COL11A1: variants seen among roughly 807,000 people sequenced by gnomAD.
COL11A1 encodes collagen type XI alpha 1 chain, also known as collagen alpha-1(XI) chain.
In COL11A1, 74 loss-of-function variants were observed where a neutral mutation model predicts 265.2. That is an observed-to-expected ratio of 0.28 (90% confidence interval 0.23 to 0.34). COL11A1 has a LOEUF of 0.34. COL11A1 is among the 10% of genes least tolerant of loss of function. COL11A1 has a pLI of 1.00. For synonymous variants in COL11A1, 816 were observed against 727.6 expected, an observed-to-expected ratio of 1.12 and a Z score of -1.96; for missense variants, 2,165 against 2,263.6, an observed-to-expected ratio of 0.96 and a Z score of 0.88.
intron 41 of COL11A1, among the ~76,000 whole-genome samples, chr1:102,948,280 G>C (rs1659524265): frequency 6.6e-6 from 1 of 152,042 alleles, no homozygotes; most frequent in Non-Finnish European, 1.5e-5. Context: ...TTATAGAGCT[G>C]TTGTAGCATC....
At chr1:102,922,439 C>T (rs1656090138) in intron 47 of COL11A1, among the ~76,000 whole-genome samples, 1 of 152,156 alleles carries the variant, frequency 6.6e-6, no homozygotes. Context: ...CTCTGTCGCC[C>T]AGGCTGGAGT....
intron 42 of COL11A1, among the ~76,000 whole-genome samples, chr1:102,946,059 C>G (rs1659230283): frequency 7.2e-6 from 1 of 139,820 alleles, no homozygotes; most frequent in Admixed American, 7.4e-5. Flanking sequence ...TCATCATTCT[C>G]AGTAAACTAT....
intron 1 of COL11A1, among the ~76,000 whole-genome samples, chr1:103,106,709 T>C (rs1674718216): frequency 6.6e-6 from 1 of 152,200 alleles, no homozygotes; most frequent in Non-Finnish European, 1.5e-5. Context: ...GGACTTTCAC[T>C]GTATTTAGCA....
chr1:102,934,411 T>C (rs1477621412), intron 46 of COL11A1, 38 bp downstream of exon 46: 1 of 1,438,742 alleles, frequency 7.0e-7, no homozygotes, highest in East Asian at 2.3e-5. Context: ...GAGAAGTAGG[T>C]AGAAATGATG....
chr1:102,974,704 C>T, intron 36 of COL11A1, 126 bp downstream of exon 36: 1 of 723,834 alleles, frequency 1.4e-6, no homozygotes, highest in South Asian at 1.7e-5. Context: ...CTTTCTTTGA[C>T]ATCAATTGTA....
chr1:103,094,615 A>AGAT (rs982883452), intron 1 of COL11A1, among the ~76,000 whole-genome samples: 2 of 151,966 alleles, frequency 1.3e-5, no homozygotes, highest in Non-Finnish European at 2.9e-5. Context: ...CTCAACATGA[A>AGAT]GATGATGATG....
rs367952241 is a variant in COL11A1 at position 102,979,383 on chromosome 1, C to T, written c.2609G>A (p.Arg870Gln). ...FPGANGEKGARGVAGKPGPRG... is the reference protein window; with the variant it reads ...FPGANGEKGAQGVAGKPGPRG... Reference sequence around the variant, plus strand: ...TCAAAACATATTTATATATCATACCCGTGCACCTTTCTCTCCATTGGCACC... The same window carrying T: ...TCAAAACATATTTATATATCATACCTGTGCACCTTTCTCTCCATTGGCACC... The change falls in exon 32 of 67, where the codon CGG (arginine) becomes CAG (glutamine). Residue 870 changes from arginine (R) to glutamine (Q), a missense_variant and splice_region_variant. Physicochemically the swap from Arg to Gln is conservative, Grantham distance 43 (BLOSUM62 1). Coordinates refer to ENST00000370096, the MANE Select transcript of COL11A1 (RefSeq NM_001854.4). The T allele has an allele frequency of 9.3e-6, 15 of 1,605,990 alleles. No individual in the cohort carries two copies. The highest frequency in any genetic ancestry group is 1.6e-4 in the Middle Eastern group (1 of 6,076).
At chr1:103,041,807 C>T (rs889047974) in intron 4 of COL11A1, among the ~76,000 whole-genome samples, 5 of 151,830 alleles carry the variant, frequency 3.3e-5, no homozygotes, top group African/African-American at 4.8e-5. Context: ...GAACAGTAAA[C>T]GATGGAAGGC....
Position 103,078,790 on chromosome 1 carries a change from T to C in COL11A1, c.356A>G (p.Tyr119Cys). The C allele has an allele frequency of 1.2e-6, 2 of 1,612,686 alleles. No homozygotes were observed. The highest frequency in any genetic ancestry group is 1.7e-6 in the Non-Finnish European group (2 of 1,179,012). ...AATTTGCTGAATACCATGCTCATTATATATAGATAAAAGGAAAGACTGAAT... is the reference window on the plus strand; with the variant it reads ...AATTTGCTGAATACCATGCTCATTACATATAGATAAAAGGAAAGACTGAAT... ...KGIQSFLLSI[Y>C]NEHGIQQIGV... is the part of the protein sequence containing the mutation. The change falls in exon 3 of 67, where the codon TAT becomes TGT. Residue 119 changes from tyrosine (Y) to cysteine (C), a missense_variant. By Grantham distance (194) the Tyr-to-Cys change is radical. Transcript: ENST00000370096.
intron 66 of COL11A1, among the ~76,000 whole-genome samples, chr1:102,878,475 CATATATAT>C (rs57574729): frequency 0.018 from 877 of 49,870 alleles, 54 homozygotes; most frequent in African/African-American, 0.045. Context: ...ATTGAATCCT[CATATATAT>C]ATATATATAT....
intron 41 of COL11A1, among the ~76,000 whole-genome samples, chr1:102,948,029 G>T (rs1659498005): frequency 6.6e-6 from 1 of 151,628 alleles, no homozygotes; most frequent in Non-Finnish European, 1.5e-5. Context: ...ATTTATAAAA[G>T]CTGGAAAATA....
chr1:103,101,978 G>A lies in COL11A1; in HGVS notation c.106+6095C>T, dbSNP rs942475564. On this transcript the variant is annotated intron_variant, in intron 1 of 66. Coordinates refer to ENST00000370096, the MANE Select transcript of COL11A1 (RefSeq NM_001854.4). Reference sequence around the variant, plus strand: ...CAGATAACAGTAGGTCTGGTGATCAGCCAATGTCTAAAGAACCACTAGCCA... The same window carrying A: ...CAGATAACAGTAGGTCTGGTGATCAACCAATGTCTAAAGAACCACTAGCCA... Among the ~76,000 whole-genome samples, 3 of 152,000 alleles carry A rather than the reference G, an allele frequency of 2.0e-5. No homozygotes were observed. The East Asian group carries it at 5.8e-4, about 29-fold the overall frequency.
intron 2 of COL11A1, among the ~76,000 whole-genome samples, chr1:103,082,284 T>A (rs1672477266): frequency 6.6e-6 from 1 of 151,848 alleles, no homozygotes; most frequent in Non-Finnish European, 1.5e-5. Flanking sequence ...CATGAAAAAA[T>A]AATGCAAAAT....
At chr1:102,925,814 A>G (rs1009718868) in intron 46 of COL11A1, among the ~76,000 whole-genome samples, 12 of 152,184 alleles carry the variant, frequency 7.9e-5, no homozygotes, top group African/African-American at 2.6e-4. Context: ...CTTTAACACC[A>G]TTTTCTTAAA....
At chr1:102,978,345 G>C (rs1662702305) in intron 35 of COL11A1, among the ~76,000 whole-genome samples, 1 of 152,218 alleles carries the variant, frequency 6.6e-6, no homozygotes, top group African/African-American at 2.4e-5. Flanking sequence ...TAATTTTGCT[G>C]CCAGCTCTGT....
At chr1:103,031,750 A>G (rs1668014106) in intron 4 of COL11A1, among the ~76,000 whole-genome samples, 1 of 151,982 alleles carries the variant, frequency 6.6e-6, no homozygotes, top group Non-Finnish European at 1.5e-5. Context: ...AAAAATTAGT[A>G]TCAAAAGAAA....
intron 14 of COL11A1, 35 bp downstream of exon 14, chr1:103,012,378 T>A (rs765572758): frequency 1.8e-5 from 29 of 1,575,654 alleles, no homozygotes; most frequent in Non-Finnish European, 2.5e-5. Context: ...AATTTGAAAA[T>A]TTTAACATAT....
intron 1 of COL11A1, among the ~76,000 whole-genome samples, chr1:103,088,095 A>G (rs1327898703): frequency 6.6e-6 from 1 of 152,096 alleles, no homozygotes; most frequent in African/African-American, 2.4e-5. Context: ...TGCCTTCACC[A>G]TCCATATAGA....
chr1:102,886,684 T>C, intron 63 of COL11A1, 123 bp downstream of exon 63: 2 of 1,368,226 alleles, frequency 1.5e-6, no homozygotes, highest in Non-Finnish European at 2.1e-6. Context: ...AGAAGATAAT[T>C]AATAACTGTT....
Sources: gnomAD v4.1 joint callset for allele counts (sites outside exome capture counted in the v4.1 genomes callset) on GRCh38, gnomAD v4.1.1 for gene constraint, MANE v1.5 for transcripts, NCBI Gene and HGNC (gene_info 2026-07-23, HGNC 2026-07-21) for gene names.